HSPA1L: variants seen among roughly 807,000 people sequenced by gnomAD.
HSPA1L encodes the protein heat shock 70 kDa protein 1-like.
HSPA1L carries 21 observed loss-of-function variants against 31.5 expected under a neutral mutation model. The observed-to-expected ratio is 0.67, with a 90% CI of 0.47 to 0.96. HSPA1L has a LOEUF of 0.96. HSPA1L is among the 40% of genes least tolerant of loss of function. The pLI, the probability that HSPA1L is intolerant of heterozygous loss-of-function variation, is 0.00. For synonymous variants in HSPA1L, 293 were observed against 323.1 expected (o/e 0.91, Z 1.00); for missense variants, 709 against 813.4 (o/e 0.87, Z 1.56).
rs1347794663 is a variant in HSPA1L at position 31,815,277 on chromosome 6, G to A, written c.-402C>T. 6.6e-6 allele frequency among the ~76,000 whole-genome samples: 1 copy of A among 152,134 alleles called. No homozygotes were observed. Among genetic ancestry groups the A allele is most frequent in the African/African-American group, 2.4e-5 (1 of 41,424 alleles). On this transcript the variant is annotated 5_prime_UTR_variant, in exon 1 of 2. Transcript: ENST00000375654. ...CGCAGGCGGTCAGCATCGCCATGGA[G>A]ACCAACACCCTTCCCACCGCCACTC...
At chr6:31,814,147 G>A (rs552213684) in intron 1 of HSPA1L, among the ~76,000 whole-genome samples, 16 of 152,314 alleles carry the variant, frequency 1.1e-4, no homozygotes, top group Non-Finnish European at 2.4e-4. Context: ...GGTGGCTCAC[G>A]CCTGTAATCC....
rs1231095307 is a variant in HSPA1L at position 31,811,604 on chromosome 6, C to T, written c.369G>A (p.Ser123=). 12 of 1,614,144 alleles carry T rather than the reference C, an allele frequency of 7.4e-6. No homozygotes were observed. The highest frequency in any genetic ancestry group is 2.2e-5 in the East Asian group (1 of 44,892). ...TCTCCTTCAACTTAGTCAATACCAT[C>T]GAAGAGATTTCCTCAGGGTAGAAAG... ...NKAFYPEEIS[S]MVLTKLKETA... Residue 123 remains serine (S), a synonymous_variant, in exon 2 of 2, where the codon TCG becomes TCA. Transcript: ENST00000375654.
chr6:31,814,790 C>T lies in HSPA1L; in HGVS notation c.-14+99G>A, dbSNP rs1581705592. The T allele has an allele frequency of 3.5e-5, 20 of 564,816 alleles. 3 individuals are homozygous for T. Among genetic ancestry groups the T allele is most frequent in the African/African-American group, 3.3e-4 (16 of 48,968 alleles). The allele number at this position is 564,816 out of a possible 1,614,324, so 35.0% of individuals were successfully genotyped here. On this transcript the variant is annotated intron_variant, in intron 1 of 1. Coordinates refer to ENST00000375654, the MANE Select transcript of HSPA1L (RefSeq NM_005527.4). ...CCCGGATCAGCCAACGCCCACATAC[C>T]TCAGGCTTAAACCAACTAGGGAACT... is the stretch of plus-strand genomic sequence containing the variant.
In HSPA1L at chr6:31,815,092, G is replaced by A. The variant is rs1162157394; in HGVS notation, c.-217C>T. On this transcript the variant is annotated 5_prime_UTR_variant, in exon 1 of 2. Coordinates refer to ENST00000375654, the MANE Select transcript of HSPA1L (RefSeq NM_005527.4). The stretch of plus-strand genomic sequence containing the variant: ...TGAGGTCAGAGACAGTATCTCCATT[G>A]TAACGTGGCCGGGCGGTGTCAACAC... The A allele has an allele frequency of 5.2e-6, 5 of 962,646 alleles. No homozygotes were observed. Among genetic ancestry groups the A allele is most frequent in the Non-Finnish European group, 6.2e-6 (5 of 806,394 alleles). 59.6% of individuals were successfully genotyped at this position (962,646 alleles called of 1,614,324 possible).
At chr6:31,812,751 C>T (rs914113363) in intron 1 of HSPA1L, among the ~76,000 whole-genome samples, 4 of 152,196 alleles carry the variant, frequency 2.6e-5, no homozygotes, top group African/African-American at 7.2e-5. Flanking sequence ...GTTCATCTCG[C>T]AAAACTGAAA....
At chr6:31,814,174 C>G (rs1815656992) in intron 1 of HSPA1L, among the ~76,000 whole-genome samples, 1 of 152,116 alleles carries the variant, frequency 6.6e-6, no homozygotes, top group South Asian at 2.1e-4. Flanking sequence ...TTTGAGAGGC[C>G]GAGGCGGGCG....
Position 31,811,957 on chromosome 6 carries a change from C to T in HSPA1L, c.16G>A (p.Gly6Arg). Residue 6 changes from glycine to arginine, a missense_variant, in exon 2 of 2, where the codon GGA becomes AGA. Coordinates refer to ENST00000375654, the MANE Select transcript of HSPA1L (RefSeq NM_005527.4). Reference protein sequence around the residue: MATAKGIAIGIDLGTT... With the variant: MATAKRIAIGIDLGTT... ...CCCAGGTCGATGCCTATGGCGATTCCCTTGGCAGTAGCCATGGTTCTCTGA... is the reference window on the plus strand; with the variant it reads ...CCCAGGTCGATGCCTATGGCGATTCTCTTGGCAGTAGCCATGGTTCTCTGA... 6.2e-7 allele frequency: 1 copy of T among 1,614,124 alleles called. No homozygotes were observed. The highest frequency in any genetic ancestry group is 1.3e-5 in the African/African-American group (1 of 75,030).
chr6:31,812,700 G>A (rs1182046157), intron 1 of HSPA1L, among the ~76,000 whole-genome samples: 1 of 152,096 alleles, frequency 6.6e-6, no homozygotes, highest in Non-Finnish European at 1.5e-5. Flanking sequence ...GTTTGGTAGT[G>A]AGTTCAATCA....
chr6:31,810,648 A>T lies in HSPA1L; in HGVS notation c.1325T>A (p.Ile442Asn), dbSNP rs1161166376. 6.2e-7 allele frequency: 1 copy of T among 1,613,880 alleles called. No homozygotes were observed. Among genetic ancestry groups the T allele is most frequent in the East Asian group, 2.2e-5 (1 of 44,836 alleles). The change falls in exon 2 of 2, where the codon ATC becomes AAC. Residue 442 changes from isoleucine (I) to asparagine (N), a missense_variant. Ile to Asn is a moderately radical substitution (Grantham distance 149). Coordinates refer to ENST00000375654, the MANE Select transcript of HSPA1L (RefSeq NM_005527.4). ...GGCCCTCTCGCCCTCATACACCTGG[A>T]TCAGCACCCCGGGTTGGTTGTCAGA... ...TYSDNQPGVL[I>N]QVYEGERAMT...
In HSPA1L at chr6:31,810,810, T is replaced by G. The variant is rs141209981; in HGVS notation, c.1163A>C (p.Glu388Ala). The change falls in exon 2 of 2, where the codon GAG becomes GCG. Residue 388 changes from glutamate (E) to alanine (A), a missense_variant. Glu to Ala is a moderately radical substitution (Grantham distance 107). Coordinates refer to ENST00000375654, the MANE Select transcript of HSPA1L (RefSeq NM_005527.4). ...QAAILMGDKS[E>A]KVQDLLLLDV... is the part of the protein sequence containing the mutation. ...CAGCAGCAGCAGGTCCTGTACCTTC[T>G]CAGACTTGTCCCCCATCAGGATGGC... The G allele has an allele frequency of 1.3e-5, 21 of 1,614,020 alleles. No individual in the cohort carries two copies. The highest frequency in any genetic ancestry group is 4.4e-5 in the South Asian group (4 of 91,086).
rs1356039745 is a variant in HSPA1L, at chr6:31,811,877, G to A, written c.96C>T (p.Ala32=). 1.9e-6 allele frequency: 3 copies of A among 1,614,072 alleles called. No individual in the cohort carries two copies. The highest frequency in any genetic ancestry group is 2.5e-6 in the Non-Finnish European group (3 of 1,180,050). Residue 32 remains alanine, a synonymous_variant, in exon 2 of 2, where the codon GCC becomes GCT. Coordinates refer to ENST00000375654, the MANE Select transcript of HSPA1L (RefSeq NM_005527.4). ...VFQHGKVEII[A]NDQGNRTTPS... Reference sequence around the variant, plus strand: ...GGGTGGTGCGGTTGCCCTGGTCGTTGGCGATGATCTCCACCTTGCCGTGCT... The same window carrying A: ...GGGTGGTGCGGTTGCCCTGGTCGTTAGCGATGATCTCCACCTTGCCGTGCT...
chr6:31,813,638 G>T (rs890452606), intron 1 of HSPA1L, among the ~76,000 whole-genome samples: 1 of 152,128 alleles, frequency 6.6e-6, no homozygotes, highest in Non-Finnish European at 1.5e-5. Context: ...ATCTCTCGAT[G>T]GATACAGATT....
At chr6:31,814,285 G>A (rs1469600071) in intron 1 of HSPA1L, among the ~76,000 whole-genome samples, 1 of 152,124 alleles carries the variant, frequency 6.6e-6, no homozygotes, top group Non-Finnish European at 1.5e-5. Context: ...GCTGGGCGTG[G>A]TGGCGGGCGC....
chr6:31,810,085 T>A lies in HSPA1L; in HGVS notation c.1888A>T (p.Arg630Trp). 6.9e-7 allele frequency: 1 copy of A among 1,440,634 alleles called. No homozygotes were observed. Among genetic ancestry groups the A allele is most frequent in the Non-Finnish European group, 9.1e-7 (1 of 1,097,320 alleles). The allele number at this position is 1,440,634 out of a possible 1,614,324, so 89.2% of individuals were successfully genotyped here. A position where few individuals can be genotyped will look rare whatever the true frequency, so the allele number is the denominator to read the frequency against. The change falls in exon 2 of 2, where the codon AGG (arginine) becomes TGG (tryptophan). Residue 630 changes from arginine to tryptophan, a missense_variant. Arg to Trp is a moderately radical substitution (Grantham distance 101). Transcript: ENST00000375654. ...PACGTGYVPG[R>W]PATGPTIEEV... Reference sequence around the variant, plus strand: ...TCAATTGTGGGGCCTGTGGCAGGCCTTCCAGGCACATACCCTGTTCCGCAG... The same window carrying A: ...TCAATTGTGGGGCCTGTGGCAGGCCATCCAGGCACATACCCTGTTCCGCAG...
In HSPA1L at chr6:31,811,532, G is replaced by C; in HGVS notation, c.441C>G (p.Thr147=). 1.2e-6 allele frequency: 2 copies of C among 1,614,170 alleles called. No homozygotes were observed. Among genetic ancestry groups the C allele is most frequent in the Middle Eastern group, 1.6e-4 (1 of 6,062 alleles). Residue 147 remains threonine (T), a synonymous_variant, in exon 2 of 2, where the codon ACC becomes ACG. Transcript: ENST00000375654. Reference sequence around the variant, plus strand: ...GAGAGTCATTGAAATAGGCTGGCACGGTAATCACTGCATTGGTGACAGGGT... The same window carrying C: ...GAGAGTCATTGAAATAGGCTGGCACCGTAATCACTGCATTGGTGACAGGGT... ...LGHPVTNAVI[T]VPAYFNDSQR...
chr6:31,811,453 T>C lies in HSPA1L; in HGVS notation c.520A>G (p.Ile174Val). ...GVIAGLNVLRIINEPTAAAIA... is the reference protein window; with the variant it reads ...GVIAGLNVLRVINEPTAAAIA... The stretch of plus-strand genomic sequence containing the variant: ...GCAGCAGCCGTGGGCTCATTGATGA[T>C]TCTTAGCACATTAAGTCCAGCAATC... The change falls in exon 2 of 2, where the codon ATC becomes GTC. Residue 174 changes from isoleucine to valine, a missense_variant. By Grantham distance (29) the Ile-to-Val change is conservative. Transcript: ENST00000375654. 1 of 1,614,208 alleles carries C rather than the reference T, an allele frequency of 6.2e-7. No homozygotes were observed. The highest frequency in any genetic ancestry group is 8.5e-7 in the Non-Finnish European group (1 of 1,180,032).
Position 31,811,054 on chromosome 6 carries a change from ACT to A in HSPA1L, c.917_918del (p.Glu306ValfsTer7), listed in dbSNP as rs536491116. On this transcript the variant is annotated frameshift_variant, in exon 2 of 2. Transcript: ENST00000375654. LOFTEE classifies it high-confidence loss of function. ...YTSITRARFE[E>X]LCADLFRGTL... Reference sequence around the variant, plus strand: ...GTACCCCTAAACAGGTCTGCACACAACTCTTCAAATCGAGCTCTGGTGATGGA... The same window carrying A: ...GTACCCCTAAACAGGTCTGCACACAACTTCAAATCGAGCTCTGGTGATGGA... 25 of 1,613,972 alleles carry A rather than the reference ACT, an allele frequency of 1.5e-5. No individual in the cohort carries two copies. The highest frequency in any genetic ancestry group is 2.1e-5 in the Non-Finnish European group (25 of 1,179,964).
rs144451142 is a variant in HSPA1L at position 31,810,216 on chromosome 6, T to C, written c.1757A>G (p.Asn586Ser). The change falls in exon 2 of 2, where the codon AAT (asparagine) becomes AGT (serine). Residue 586 changes from asparagine (N) to serine (S), a missense_variant. Asn to Ser is a conservative substitution (Grantham distance 46). Coordinates refer to ENST00000375654, the MANE Select transcript of HSPA1L (RefSeq NM_005527.4). ...AAACTCATCTTTCTCTGCCAGTTGA[T>C]TGACCTCCAGCCACGAAAGGAGCTC... is the stretch of plus-strand genomic sequence containing the variant. ...CNELLSWLEV[N>S]QLAEKDEFDH... 116 of 1,526,594 alleles carry C rather than the reference T, an allele frequency of 7.6e-5. No individual in the cohort carries two copies. The Admixed American group carries it at 9.9e-4, about 13-fold the overall frequency. 94.6% of individuals were successfully genotyped at this position (1,526,594 alleles called of 1,614,324 possible). A position where few individuals can be genotyped will look rare whatever the true frequency, so the allele number is the denominator to read the frequency against.
At position 31,809,994 on chromosome 6, in the gene HSPA1L, G is replaced by A. The variant is rs1581692307; in HGVS notation, c.*53C>T. The A allele has an allele frequency of 4.5e-6, 5 of 1,109,796 alleles. No homozygotes were observed. The highest frequency in any genetic ancestry group is 3.1e-5 in the South Asian group (1 of 32,694). The allele number at this position is 1,109,796 out of a possible 1,614,324, so 68.7% of individuals were successfully genotyped here. A position where few individuals can be genotyped will look rare whatever the true frequency, so the allele number is the denominator to read the frequency against. ...GAATAATAATGATGTTTGAAGATGA[G>A]GGGAATGAAATACATGTAGAGGCAT... On this transcript the variant is annotated 3_prime_UTR_variant, in exon 2 of 2. Coordinates refer to ENST00000375654, the MANE Select transcript of HSPA1L (RefSeq NM_005527.4).
Sources: gnomAD v4.1 joint callset for allele counts (sites outside exome capture counted in the v4.1 genomes callset) on GRCh38, gnomAD v4.1.1 for gene constraint, MANE v1.5 for transcripts, NCBI Gene and HGNC (gene_info 2026-07-23, HGNC 2026-07-21) for gene names.